The following WDR7 variants were observed in gnomAD, a reference collection of about 807,000 sequenced individuals.
WDR7 encodes WD repeat domain 7.
A neutral mutation model predicts 169.4 loss-of-function variants in WDR7; 46 were observed. The ratio of observed to expected loss-of-function variants is 0.27; its 90% CI spans 0.21 to 0.35. The LOEUF (loss-of-function observed/expected upper bound fraction) is 0.35, where lower values mean the gene tolerates loss of function less well. Ranked by LOEUF, WDR7 falls within the 10% of genes least tolerant of loss-of-function variation. The pLI, the probability that WDR7 is intolerant of heterozygous loss-of-function variation, is 1.00. For missense variants in WDR7, 1,534 were observed against 1,859.3 expected (o/e 0.83, Z 3.22); for synonymous variants, 612 against 666.8 (o/e 0.92, Z 1.27).
chr18:56,962,246 T>C (rs571161172), intron 25 of WDR7, among the ~76,000 whole-genome samples, 184 bp from the exon 26 acceptor site: 2 of 152,268 alleles, frequency 1.3e-5, no homozygotes, highest in African/African-American at 4.8e-5. Context: ...TTTCAGCTAA[T>C]TTTCAAGAAT....
chr18:56,987,311 AG>A (rs1340054108), intron 26 of WDR7, among the ~76,000 whole-genome samples: 2 of 133,992 alleles, frequency 1.5e-5, no homozygotes, highest in Non-Finnish European at 1.6e-5. Context: ...AAAAAAAAAA[AG>A]GTGAGGTTTC....
chr18:56,822,170 T>C lies in WDR7; in HGVS notation c.3304+6026T>C, dbSNP rs140292613. On this transcript the variant is annotated intron_variant, in intron 20 of 27. Coordinates refer to ENST00000254442, the MANE Select transcript of WDR7 (RefSeq NM_015285.3). ...CTCCATTAGGAAAAAAATCACCGCATATTCGTTCTTTAAATTTTCAAACAT... is the reference window on the plus strand; with the variant it reads ...CTCCATTAGGAAAAAAATCACCGCACATTCGTTCTTTAAATTTTCAAACAT... Among the ~76,000 whole-genome samples the C allele has an allele frequency of 1.1e-3, 173 of 152,314 alleles. 1 individual carries two copies. The highest frequency in any genetic ancestry group is 4.0e-3 in the African/African-American group (167 of 41,570).
intron 26 of WDR7, among the ~76,000 whole-genome samples, chr18:57,014,274 C>T (rs537944189): frequency 1.4e-5 from 2 of 147,580 alleles, no homozygotes; most frequent in East Asian, 2.0e-4. Flanking sequence ...TGCAGTGAGC[C>T]GAGATCGTGC....
intron 14 of WDR7, among the ~76,000 whole-genome samples, chr18:56,740,817 G>C (rs949528851): frequency 6.6e-5 from 10 of 152,120 alleles, no homozygotes; most frequent in African/African-American, 2.4e-4. Flanking sequence ...CACAGCTTCA[G>C]TATTTGGCAT....
intron 20 of WDR7, among the ~76,000 whole-genome samples, chr18:56,851,589 G>T (rs1176184593): frequency 1.3e-5 from 2 of 152,084 alleles, no homozygotes; most frequent in Non-Finnish European, 2.9e-5. Context: ...GCCCACAGCT[G>T]CTCAACAATT....
In WDR7 at chr18:57,015,444, G is replaced by A. The variant is rs143525310; in HGVS notation, c.4165-5301G>A. ...TGATTGCTTGGGAGAAAAGAAGGGGGATTTTTTTTTCCTGGAACATAATTA... is the reference window on the plus strand; with the variant it reads ...TGATTGCTTGGGAGAAAAGAAGGGGAATTTTTTTTTCCTGGAACATAATTA... On this transcript the variant is annotated intron_variant, in intron 26 of 27. Transcript: ENST00000254442. Among the ~76,000 whole-genome samples, 16 of 152,258 alleles carry A rather than the reference G, an allele frequency of 1.1e-4. No homozygotes were observed. In the East Asian group the frequency reaches 2.7e-3, roughly 26 times the overall value.
At chr18:56,773,551 G>A (rs779382494) in intron 16 of WDR7, among the ~76,000 whole-genome samples, 1 of 151,998 alleles carries the variant, frequency 6.6e-6, no homozygotes, top group Non-Finnish European at 1.5e-5. Context: ...ATTAATTATG[G>A]CAATTGCATG....
Position 56,811,683 on chromosome 18 carries a change from A to G in WDR7, c.3191-4348A>G, listed in dbSNP as rs748729387. On this transcript the variant is annotated intron_variant, in intron 19 of 27. Transcript: ENST00000254442. ...AATTATGAGCCTTAGATCAAGGTTC[A>G]TTTTTTTTGCTTATGGATGTTCAGT... Among the ~76,000 whole-genome samples, 6 of 151,794 alleles carry G rather than the reference A, an allele frequency of 4.0e-5. No homozygotes were observed. The East Asian group carries it at 7.7e-4, about 20-fold the overall frequency.
At chr18:56,670,968 T>G (rs1025881681) in intron 1 of WDR7, among the ~76,000 whole-genome samples, 4 of 152,220 alleles carry the variant, frequency 2.6e-5, no homozygotes, top group Non-Finnish European at 1.5e-5. Flanking sequence ...GAACTCCTGT[T>G]ATCTAGGTCT....
chr18:56,694,622 C>G lies in WDR7; in HGVS notation c.970C>G (p.Leu324Val). The G allele has an allele frequency of 1.2e-6, 2 of 1,601,536 alleles. No homozygotes were observed. Among genetic ancestry groups the G allele is most frequent in the Non-Finnish European group, 1.7e-6 (2 of 1,173,486 alleles). The stretch of plus-strand genomic sequence containing the variant: ...ATTCAAATACTTTTTTTGGCAGTTG[C>G]TAATTTGTCCTCCTGTTACTCGGTT... Reference protein sequence around the residue: ...ILLDRKDKELLICPPVTRFFY... With the variant: ...ILLDRKDKELVICPPVTRFFY... The change falls in exon 10 of 28, where the codon CTA (leucine) becomes GTA (valine). Residue 324 changes from leucine to valine, a missense_variant. Transcript: ENST00000254442.
At chr18:56,782,216 C>T (rs1278082112) in intron 19 of WDR7, 1 of 151,964 alleles carries the variant, frequency 6.6e-6, no homozygotes, top group Non-Finnish European at 1.5e-5. Context: ...AAAATAAAAG[C>T]TTTATAATTA....
Position 57,011,622 on chromosome 18 carries a change from T to C in WDR7, c.4165-9123T>C, listed in dbSNP as rs537815247. Among the ~76,000 whole-genome samples the C allele has an allele frequency of 5.3e-5, 8 of 152,312 alleles. No individual in the cohort carries two copies. The South Asian group carries it at 1.7e-3, about 32-fold the overall frequency. On this transcript the variant is annotated intron_variant, in intron 26 of 27. Coordinates refer to ENST00000254442, the MANE Select transcript of WDR7 (RefSeq NM_015285.3). ...ACTTTATAACATAAAGTTGGCATAA[T>C]GTGAATAAAAAGCATTGCCTCAGCC...
At chr18:56,724,827 T>C (rs969019070) in intron 13 of WDR7, among the ~76,000 whole-genome samples, 8 of 151,966 alleles carry the variant, frequency 5.3e-5, no homozygotes, top group Non-Finnish European at 1.2e-4. Context: ...CAACAGGCCC[T>C]GGTGTGTGAT....
intron 26 of WDR7, among the ~76,000 whole-genome samples, chr18:57,017,335 G>A (rs2048220038): frequency 6.6e-6 from 1 of 152,188 alleles, no homozygotes; most frequent in African/African-American, 2.4e-5. Context: ...CTGTCTGTCA[G>A]CTGCAGTCAG....
chr18:56,850,279 T>C (rs1188316139), intron 20 of WDR7, among the ~76,000 whole-genome samples: 1 of 152,202 alleles, frequency 6.6e-6, no homozygotes, highest in Non-Finnish European at 1.5e-5. Context: ...GTTTACTTCT[T>C]TATGTTCTGG....
intron 19 of WDR7, among the ~76,000 whole-genome samples, chr18:56,785,266 T>G (rs1385118317): frequency 3.3e-5 from 5 of 152,160 alleles, no homozygotes; most frequent in Non-Finnish European, 5.9e-5. Context: ...GCCTCTACCA[T>G]TGTCATTAAT....
chr18:56,747,528 A>G (rs2043723899), intron 14 of WDR7, among the ~76,000 whole-genome samples: 1 of 152,166 alleles, frequency 6.6e-6, no homozygotes, highest in African/African-American at 2.4e-5. Flanking sequence ...GGGCCCTGGC[A>G]TTGGGGAGTT....
At chr18:56,747,939 T>C (rs1053765571) in intron 14 of WDR7, among the ~76,000 whole-genome samples, 1 of 152,148 alleles carries the variant, frequency 6.6e-6, no homozygotes, top group African/African-American at 2.4e-5. Context: ...ATCAGTCTTA[T>C]CCTTGTTCTT....
In WDR7 at chr18:56,731,464, A is replaced by T. The variant is rs777125561; in HGVS notation, c.1856A>T (p.Asp619Val). Residue 619 changes from aspartate (D) to valine (V), a missense_variant, in exon 14 of 28, where the codon GAT becomes GTT. Transcript: ENST00000254442. ...GATGAAGCTGTTCCTGCTGCTGTTG[A>T]TTCACTTAGTCATCCAGCAGTCAAC... ...ACDEAVPAAV[D>V]SLSHPAVNLK... The T allele has an allele frequency of 9.3e-6, 15 of 1,614,032 alleles. No individual in the cohort carries two copies. The highest frequency in any genetic ancestry group is 1.3e-5 in the Non-Finnish European group (15 of 1,180,026).
Sources: gnomAD v4.1 joint callset for allele counts (sites outside exome capture counted in the v4.1 genomes callset) on GRCh38, gnomAD v4.1.1 for gene constraint, MANE v1.5 for transcripts, NCBI Gene and HGNC (gene_info 2026-07-23, HGNC 2026-07-21) for gene names.